Variants in AMZ1 observed in about 807,000 individuals in gnomAD.
AMZ1 encodes the protein archaelysin family metallopeptidase 1, also known as archaemetzincin-1.
In AMZ1, 39 loss-of-function variants were observed where a neutral mutation model predicts 29.9. That is an observed-to-expected ratio of 1.30 (90% confidence interval 1.01 to 1.70). AMZ1 has a LOEUF of 1.70. AMZ1 is among the 40% of genes most tolerant of loss of function. The probability of loss-of-function intolerance (pLI) is 0.00; values close to 1 mark genes in which losing one functional copy is unlikely to be tolerated. For synonymous variants in AMZ1, 458 were observed against 304.0 expected (o/e 1.51, Z -5.27); for missense variants, 1,041 against 680.6 (o/e 1.53, Z -5.89).
At position 2,712,668 on chromosome 7, in the gene AMZ1, G is replaced by A; in HGVS notation, c.1287G>A (p.Gln429=). Reference sequence around the variant, plus strand: ...AAGTGGCAGAGGAGGACCTGGTGCAGGTGGACAGAGCCGTGGACGCCCTCG... The same window carrying A: ...AAGTGGCAGAGGAGGACCTGGTGCAAGTGGACAGAGCCGTGGACGCCCTCG... The part of the protein sequence containing the change: ...QREVAEEDLV[Q]VDRAVDALDR... The change falls in exon 7 of 7, where the codon CAG becomes CAA. Residue 429 remains glutamine (Q), a synonymous_variant. Coordinates refer to ENST00000683327, the MANE Select transcript of AMZ1 (RefSeq NM_001384743.1). 1.9e-6 allele frequency: 3 copies of A among 1,613,054 alleles called. No homozygotes were observed. The highest frequency in any genetic ancestry group is 2.5e-6 in the Non-Finnish European group (3 of 1,179,930).
intron 4 of AMZ1, among the ~76,000 whole-genome samples, chr7:2,739,094 T>G (rs798516): frequency 0.57 from 86,378 of 152,128 alleles, 24,884 homozygotes; most frequent in Admixed American, 0.63. Flanking sequence ...GTGTGCAGGG[T>G]TGCTGTCACA....
At chr7:2,722,026 G>C (rs1404988940), downstream of AMZ1, among the ~76,000 whole-genome samples, 1 of 152,212 alleles carries the variant, frequency 6.6e-6, no homozygotes, top group Admixed American at 6.5e-5. Context: ...GGGCTGCACA[G>C]AGCACTCGGT....
At chr7:2,709,514 CT>C in intron 5 of AMZ1, 125 bp from the exon 6 acceptor site, 2 of 1,417,192 alleles carry the variant, frequency 1.4e-6, no homozygotes, top group South Asian at 2.8e-5. Flanking sequence ...GGGAGGGCGC[CT>C]GGACCACCTC....
upstream of AMZ1, chr7:2,762,583 T>C (rs1281257327): frequency 6.7e-7 from 1 of 1,491,484 alleles, no homozygotes; most frequent in African/African-American, 1.4e-5. Context: ...GAAAATTACA[T>C]TTACAAACCC....
At position 2,702,783 on chromosome 7, in the gene AMZ1, C is replaced by T. The variant is rs376179158; in HGVS notation, c.366C>T (p.Ala122=). ...LLHQLCSCTE[A]FFLGLRVKCL... ...ACCAGCTGTGCAGCTGCACAGAGGCCTTCTTCCTGGGCCTGCGCGTCAAGT... is the reference window on the plus strand; with the variant it reads ...ACCAGCTGTGCAGCTGCACAGAGGCTTTCTTCCTGGGCCTGCGCGTCAAGT... The change falls in exon 3 of 7, where the codon GCC becomes GCT. Residue 122 remains alanine (A), a synonymous_variant. Coordinates refer to ENST00000683327, the MANE Select transcript of AMZ1 (RefSeq NM_001384743.1). 2.6e-4 allele frequency: 398 copies of T among 1,544,786 alleles called. No individual in the cohort carries two copies. Among genetic ancestry groups the T allele is most frequent in the Middle Eastern group, 5.4e-4 (3 of 5,542 alleles).
chr7:2,706,167 C>G (rs750324281), intron 3 of AMZ1, among the ~76,000 whole-genome samples: 4 of 152,198 alleles, frequency 2.6e-5, no homozygotes, highest in Non-Finnish European at 5.9e-5. Flanking sequence ...GTGGGGTCAG[C>G]TCAGCCTGGT....
intron 3 of AMZ1, among the ~76,000 whole-genome samples, chr7:2,703,566 AGAGT>A (rs1435108135): frequency 6.6e-6 from 1 of 152,020 alleles, no homozygotes; most frequent in Non-Finnish European, 1.5e-5. Context: ...TGGTGACTGG[AGAGT>A]GTGAGGCAGG....
rs1398742257 is a variant in AMZ1, at chr7:2,702,734, A to G, written c.317A>G (p.Glu106Gly). Residue 106 changes from glutamate (E) to glycine (G), a missense_variant, in exon 3 of 7, where the codon GAG (glutamate) becomes GGG (glycine). Glu to Gly is a moderately conservative substitution (Grantham distance 98). Coordinates refer to ENST00000683327, the MANE Select transcript of AMZ1 (RefSeq NM_001384743.1). ...IYLQPIDLSEEPVGSSLLHQL... is the reference protein window; with the variant it reads ...IYLQPIDLSEGPVGSSLLHQL... ...GCTCTCCCACCAGACCTGAGCGAGG[A>G]GCCGGTGGGAAGCTCCCTGCTGCAC... 4 of 1,535,224 alleles carry G rather than the reference A, an allele frequency of 2.6e-6. No homozygotes were observed. In the East Asian group the frequency reaches 9.8e-5, roughly 38 times the overall value.
chr7:2,709,098 C>G lies in AMZ1; in HGVS notation c.625C>G (p.Arg209Gly). 2 of 1,598,714 alleles carry G rather than the reference C, an allele frequency of 1.3e-6. No homozygotes were observed. The highest frequency in any genetic ancestry group is 1.7e-6 in the Non-Finnish European group (2 of 1,172,512). The change falls in exon 5 of 7, where the codon CGG becomes GGG. Residue 209 changes from arginine to glycine, a missense_variant. Coordinates refer to ENST00000683327, the MANE Select transcript of AMZ1 (RefSeq NM_001384743.1). ...GHEVGVCSFA[R>G]FSGEFPKSGP... ...AGAAGTGGGCGTCTGCAGCTTCGCCCGGTTCTCAGGGGAATTCCCGAAGTC... is the reference window on the plus strand; with the variant it reads ...AGAAGTGGGCGTCTGCAGCTTCGCCGGGTTCTCAGGGGAATTCCCGAAGTC...
At chr7:2,764,101 C>T (rs141828398), upstream of AMZ1, among the ~76,000 whole-genome samples, 6 of 152,212 alleles carry the variant, frequency 3.9e-5, no homozygotes, top group African/African-American at 1.4e-4. Context: ...GACAGGGTCT[C>T]ACTCTGTTGC....
intron 1 of AMZ1, among the ~76,000 whole-genome samples, chr7:2,692,323 G>A (rs964013027): frequency 2.6e-5 from 4 of 152,082 alleles, no homozygotes; most frequent in Non-Finnish European, 4.4e-5. Flanking sequence ...GGCGGATCAT[G>A]AGGTCAGGAG....
chr7:2,763,294 G>T (rs368620986), upstream of AMZ1: 3 of 198,984 alleles, frequency 1.5e-5, no homozygotes, highest in Admixed American at 6.4e-5. Flanking sequence ...GTGCTGTGAG[G>T]CTGAGACACA....
chr7:2,736,473 T>A (rs558531609), intron 4 of AMZ1, among the ~76,000 whole-genome samples: 51 of 152,248 alleles, frequency 3.3e-4, no homozygotes, highest in African/African-American at 1.0e-3. Context: ...CGAATGTGTC[T>A]GTCCTCTCAC....
chr7:2,721,536 G>T (rs1789420502), downstream of AMZ1, among the ~76,000 whole-genome samples: 1 of 152,120 alleles, frequency 6.6e-6, no homozygotes, highest in Non-Finnish European at 1.5e-5. Context: ...CTAACACGGT[G>T]AAGCCCTGTC....
At position 2,715,024 on chromosome 7, in the gene AMZ1, C is replaced by T. The variant is rs752686850; in HGVS notation, c.*2146C>T. On this transcript the variant is annotated 3_prime_UTR_variant, in exon 7 of 7. Coordinates refer to ENST00000683327, the MANE Select transcript of AMZ1 (RefSeq NM_001384743.1). The stretch of plus-strand genomic sequence containing the variant: ...ACAGTGACCTGGGAGGTAACTGTGC[C>T]AGAATAAAGAGGGGAGACGAAAAAA... The T allele has an allele frequency of 3.3e-5, 5 of 152,230 alleles. No individual in the cohort carries two copies. The highest frequency in any genetic ancestry group is 7.4e-5 in the Non-Finnish European group (5 of 68,014). The allele number at this position is 152,230 out of a possible 1,614,324, so 9.4% of individuals were successfully genotyped here.
chr7:2,763,191 AACACACACACACACACACACACAC>A (rs56384682), upstream of AMZ1: 5 of 222,644 alleles, frequency 2.2e-5, no homozygotes, highest in Non-Finnish European at 3.8e-5. Context: ...AAGACACCCC[AACACACACACACACACACACACAC>A]ACACACACAC....
intron 3 of AMZ1, among the ~76,000 whole-genome samples, chr7:2,706,057 C>T (rs775397255): frequency 3.9e-5 from 6 of 152,242 alleles, no homozygotes; most frequent in Admixed American, 6.5e-5. Flanking sequence ...TCCCCAGCCC[C>T]ACACTTCAGA....
chr7:2,698,674 C>CA lies in AMZ1; in HGVS notation c.-218-1554dup, dbSNP rs1014181175. On this transcript the variant is annotated intron_variant, in intron 1 of 6. Coordinates refer to ENST00000683327, the MANE Select transcript of AMZ1 (RefSeq NM_001384743.1). The stretch of plus-strand genomic sequence containing the variant: ...CAACATAGTGAGACCCCCGTCTCTA[C>CA]AAAAAATACAAAAATTAGCAGGACA... Among the ~76,000 whole-genome samples the CA allele has an allele frequency of 1.1e-4, 17 of 152,078 alleles. No homozygotes were observed. The East Asian group carries it at 2.1e-3, about 19-fold the overall frequency.
At chr7:2,739,946 T>G (rs1790415095) in intron 4 of AMZ1, among the ~76,000 whole-genome samples, 1 of 152,216 alleles carries the variant, frequency 6.6e-6, no homozygotes, top group Admixed American at 6.5e-5. Flanking sequence ...GTGCTGGGAT[T>G]ACAGGTGTGA....
Sources: gnomAD v4.1 joint callset for allele counts (sites outside exome capture counted in the v4.1 genomes callset) on GRCh38, gnomAD v4.1.1 for gene constraint, MANE v1.5 for transcripts, NCBI Gene and HGNC (gene_info 2026-07-23, HGNC 2026-07-21) for gene names.